SPSB2: variants seen among roughly 807,000 people sequenced by gnomAD.
The protein encoded by SPSB2 is SPRY domain-containing SOCS box protein 2.
Under a neutral mutation model 19.2 loss-of-function variants are expected in SPSB2, and 25 were observed. The observed-to-expected ratio is 1.30, with a 90% CI of 0.95 to 1.82. The LOEUF is 1.82. Among genes scored for constraint, SPSB2 ranks in the 40% most tolerant of loss-of-function variants. SPSB2 has a pLI of 0.00. For synonymous variants in SPSB2, 153 were observed against 154.9 expected, an observed-to-expected ratio of 0.99 and a Z score of 0.09; for missense variants, 413 against 344.9, an observed-to-expected ratio of 1.20 and a Z score of -1.56.
chr12:6,870,988 A>T lies in SPSB2; in HGVS notation c.*204T>A, dbSNP rs1944578272. The stretch of plus-strand genomic sequence containing the variant: ...TACTTGAAAAAATGTTTTGCGTAGC[A>T]GACTGTCATAGCCTTGAACGCCGGC... On this transcript the variant is annotated 3_prime_UTR_variant, in exon 3 of 3. Transcript: ENST00000524270. The T allele has an allele frequency of 1.4e-6, 1 of 691,366 alleles. No homozygotes were observed. 42.8% of individuals were successfully genotyped at this position (691,366 alleles called of 1,614,324 possible).
At position 6,872,568 on chromosome 12, in the gene SPSB2, G is replaced by C. The variant is rs782286451; in HGVS notation, c.334C>G (p.Leu112Val). Residue 112 changes from leucine to valine, a missense_variant, in exon 2 of 3, where the codon CTC becomes GTC. Leu to Val is a conservative substitution (Grantham distance 32). Coordinates refer to ENST00000524270, the MANE Select transcript of SPSB2 (RefSeq NM_032641.4). Reference sequence around the variant, plus strand: ...TAGTGGTCAGTCTGCAGCGGGGCGAGGGCCGTGGCCACGCCCACCACGGCA... The same window carrying C: ...TAGTGGTCAGTCTGCAGCGGGGCGACGGCCGTGGCCACGCCCACCACGGCA... ...THAVVGVATALAPLQTDHYAA... is the reference protein window; with the variant it reads ...THAVVGVATAVAPLQTDHYAA... 1 of 1,608,716 alleles carries C rather than the reference G, an allele frequency of 6.2e-7. No homozygotes were observed. The highest frequency in any genetic ancestry group is 8.5e-7 in the Non-Finnish European group (1 of 1,179,140).
In SPSB2 at chr12:6,871,068, G is replaced by T. The variant is rs1177993976; in HGVS notation, c.*124C>A. ...GGGGCTGTTGATTTCCGCAGAGCTTGGGTTGGGGTAGGGGCTCAGCCTCAC... is the reference window on the plus strand; with the variant it reads ...GGGGCTGTTGATTTCCGCAGAGCTTTGGTTGGGGTAGGGGCTCAGCCTCAC... On this transcript the variant is annotated 3_prime_UTR_variant, in exon 3 of 3. Transcript: ENST00000524270. 1 of 1,252,738 alleles carries T rather than the reference G, an allele frequency of 8.0e-7. No homozygotes were observed. Among genetic ancestry groups the T allele is most frequent in the Non-Finnish European group, 1.1e-6 (1 of 896,136 alleles). 77.6% of individuals were successfully genotyped at this position (1,252,738 alleles called of 1,614,324 possible).
At position 6,872,817 on chromosome 12, in the gene SPSB2, A is replaced by T. The variant is rs782566062; in HGVS notation, c.85T>A (p.Leu29Met). The T allele has an allele frequency of 1.1e-5, 18 of 1,611,810 alleles. No individual in the cohort carries two copies. The highest frequency in any genetic ancestry group is 1.4e-5 in the Non-Finnish European group (17 of 1,179,998). ...LYPDLSCPEG[L>M]EELLSAPPPD... ...GGGGGTGCAGACAGCAGCTCTTCCA[A>T]GCCCTCGGGACAGGAGAGGTCAGGG... The change falls in exon 2 of 3, where the codon TTG becomes ATG. Residue 29 changes from leucine (L) to methionine (M), a missense_variant. Physicochemically the swap from Leu to Met is conservative, Grantham distance 15. Transcript: ENST00000524270.
chr12:6,871,979 C>T, intron 2 of SPSB2: 1 of 1,449,442 alleles, frequency 6.9e-7, no homozygotes, highest in African/African-American at 1.4e-5. Context: ...CCTGCAGTTC[C>T]TCCCTCCATT....
Position 6,872,425 on chromosome 12 carries a change from C to G in SPSB2, c.477G>C (p.Glu159Asp), listed in dbSNP as rs782688207. The G allele has an allele frequency of 2.5e-6, 4 of 1,614,250 alleles. No individual in the cohort carries two copies. The Admixed American group carries it at 6.7e-5, about 27-fold the overall frequency. Reference protein sequence around the residue: ...APQYPAGTQGEQLEVPERLLV... With the variant: ...APQYPAGTQGDQLEVPERLLV... ...GCAGTCTCTCTGGCACCTCCAGCTGCTCACCCTGAGTTCCCGCTGGATACT... is the reference window on the plus strand; with the variant it reads ...GCAGTCTCTCTGGCACCTCCAGCTGGTCACCCTGAGTTCCCGCTGGATACT... Residue 159 changes from glutamate (E) to aspartate (D), a missense_variant, in exon 2 of 3, where the codon GAG (glutamate) becomes GAC (aspartate). Glu to Asp is a conservative substitution (Grantham distance 45, BLOSUM62 2). Coordinates refer to ENST00000524270, the MANE Select transcript of SPSB2 (RefSeq NM_032641.4).
In SPSB2 at chr12:6,872,348, G is replaced by A. The variant is rs782112252; in HGVS notation, c.554C>T (p.Thr185Ile). 21 of 1,614,214 alleles carry A rather than the reference G, an allele frequency of 1.3e-5. No individual in the cohort carries two copies. The highest frequency in any genetic ancestry group is 2.2e-5 in the South Asian group (2 of 91,088). ...EGTLGYAIGG[T>I]YLGPAFRGLK... ...TCCGCGGAATGCTGGCCCCAGGTAG[G>A]TGCCCCCAATAGCGTAGCCCAGAGT... The change falls in exon 2 of 3, where the codon ACC becomes ATC. Residue 185 changes from threonine (T) to isoleucine (I), a missense_variant. By Grantham distance (89) the Thr-to-Ile change is moderately conservative. Transcript: ENST00000524270.
At chr12:6,871,341 A>T (rs1256377618) in intron 2 of SPSB2, 22 bp from the exon 3 acceptor site, 2 of 1,606,352 alleles carry the variant, frequency 1.2e-6, no homozygotes, top group Non-Finnish European at 1.7e-6. Context: ...AAGGAGGGGA[A>T]TGTAAGTATG....
chr12:6,872,678 G>A lies in SPSB2; in HGVS notation c.224C>T (p.Thr75Ile). Residue 75 changes from threonine (T) to isoleucine (I), a missense_variant, in exon 2 of 3, where the codon ACT (threonine) becomes ATT (isoleucine). Coordinates refer to ENST00000524270, the MANE Select transcript of SPSB2 (RefSeq NM_032641.4). ...YFERRPVAQS[T>I]DGARGKRGYS... Reference sequence around the variant, plus strand: ...GCCCCTCTTACCCCGGGCCCCATCAGTGCTCTGGGCCACGGGCCGCCGCTC... The same window carrying A: ...GCCCCTCTTACCCCGGGCCCCATCAATGCTCTGGGCCACGGGCCGCCGCTC... 5.0e-6 allele frequency: 8 copies of A among 1,612,624 alleles called. No individual in the cohort carries two copies. The highest frequency in any genetic ancestry group is 6.8e-6 in the Non-Finnish European group (8 of 1,180,012).
At chr12:6,871,371 T>C in intron 2 of SPSB2, 52 bp from the exon 3 acceptor site, 1 of 1,581,206 alleles carries the variant, frequency 6.3e-7, no homozygotes, top group Non-Finnish European at 8.6e-7. Context: ...ACCAGCCAGA[T>C]GTCCTCAAAC....
At chr12:6,872,205 G>GAA (rs1555133662) in intron 2 of SPSB2, 33 bp downstream of exon 2, 1 of 1,613,924 alleles carries the variant, frequency 6.2e-7, no homozygotes, top group Admixed American at 1.7e-5. Context: ...ACCAGGGACA[G>GAA]AAAGTTCTCC....
chr12:6,871,947 A>T (rs937632072), intron 2 of SPSB2: 43 of 1,410,418 alleles, frequency 3.0e-5, no homozygotes, highest in Non-Finnish European at 3.9e-5. Context: ...TCAGGGGTTG[A>T]TATCTCCTGA....
At position 6,871,832 on chromosome 12, in the gene SPSB2, G is replaced by A. The variant is rs1591620735; in HGVS notation, c.664+406C>T. The A allele has an allele frequency of 1.6e-5, 9 of 554,392 alleles. No individual in the cohort carries two copies. The Admixed American group carries it at 2.1e-4, about 13-fold the overall frequency. 34.3% of individuals were successfully genotyped at this position (554,392 alleles called of 1,614,324 possible). ...AAGTAGGTATGTGGCACAGAGACAG[G>A]TTAGAGCCCAGGGAATCCGGTATAC... On this transcript the variant is annotated intron_variant, in intron 2 of 2. Transcript: ENST00000524270.
chr12:6,871,868 C>T, intron 2 of SPSB2: 1 of 773,188 alleles, frequency 1.3e-6, no homozygotes. Context: ...AGCCTGGGTA[C>T]CTGGCTCTGC....
Position 6,872,303 on chromosome 12 carries a change from T to TA in SPSB2, c.598dup (p.Tyr200LeufsTer92). 1.2e-6 allele frequency: 2 copies of TA among 1,614,178 alleles called. No homozygotes were observed. Among genetic ancestry groups the TA allele is most frequent in the East Asian group, 2.2e-5 (1 of 44,884 alleles). On this transcript the variant is annotated frameshift_variant, in exon 2 of 3. Coordinates refer to ENST00000524270, the MANE Select transcript of SPSB2 (RefSeq NM_032641.4). LOFTEE classifies it high-confidence loss of function. ...GCCCCAGACAGCGCTTACTGCCGGA[T>TA]AGAGGGTCCTGCCCTTCAGTCCGCG...
Position 6,872,810 on chromosome 12 carries a change from T to C in SPSB2, c.92A>G (p.Glu31Gly). The C allele has an allele frequency of 6.2e-7, 1 of 1,611,992 alleles. No individual in the cohort carries two copies. Among genetic ancestry groups the C allele is most frequent in the African/African-American group, 1.3e-5 (1 of 75,034 alleles). Residue 31 changes from glutamate to glycine, a missense_variant, in exon 2 of 3, where the codon GAG (glutamate) becomes GGG (glycine). Glu to Gly is a moderately conservative substitution (Grantham distance 98). Coordinates refer to ENST00000524270, the MANE Select transcript of SPSB2 (RefSeq NM_032641.4). Reference protein sequence around the residue: ...PDLSCPEGLEELLSAPPPDLG... With the variant: ...PDLSCPEGLEGLLSAPPPDLG... ...GTCAGGAGGGGGTGCAGACAGCAGC[T>C]CTTCCAAGCCCTCGGGACAGGAGAG...
chr12:6,872,513 G>A lies in SPSB2; in HGVS notation c.389C>T (p.Ser130Leu). 6.2e-7 allele frequency: 1 copy of A among 1,612,352 alleles called. No homozygotes were observed. The highest frequency in any genetic ancestry group is 1.7e-5 in the Admixed American group (1 of 60,024). The change falls in exon 2 of 3, where the codon TCG (serine) becomes TTG (leucine). Residue 130 changes from serine to leucine, a missense_variant. Physicochemically the swap from Ser to Leu is moderately radical, Grantham distance 145 (BLOSUM62 -2). Transcript: ENST00000524270. Reference sequence around the variant, plus strand: ...CCCCCGCCCGATGTCCCAGCCCCACGACTCGCTGTTGCTGCCCAGCAGCGC... The same window carrying A: ...CCCCCGCCCGATGTCCCAGCCCCACAACTCGCTGTTGCTGCCCAGCAGCGC... ...YAALLGSNSE[S>L]WGWDIGRGKL...
chr12:6,872,772 G>A lies in SPSB2; in HGVS notation c.130C>T (p.Arg44Trp), dbSNP rs868966108. 6.2e-7 allele frequency: 1 copy of A among 1,612,324 alleles called. No homozygotes were observed. Residue 44 changes from arginine to tryptophan, a missense_variant, in exon 2 of 3, where the codon CGG (arginine) becomes TGG (tryptophan). Transcript: ENST00000524270. ...TCTTTGGGGTTCCAACCGTGGCGCC[G>A]CTGGGCCCCCAGGTCAGGAGGGGGT... Reference protein sequence around the residue: ...SAPPPDLGAQRRHGWNPKDCS... With the variant: ...SAPPPDLGAQWRHGWNPKDCS...
At chr12:6,871,892 G>A in intron 2 of SPSB2, 1 of 1,030,464 alleles carries the variant, frequency 9.7e-7, no homozygotes, top group South Asian at 1.9e-5. Flanking sequence ...TCCTTCTTTT[G>A]GACCTGTACA....
chr12:6,873,222 G>A (rs1269480011), intron 1 of SPSB2, 24 bp downstream of exon 1: 1 of 262,812 alleles, frequency 3.8e-6, no homozygotes, highest in Non-Finnish European at 7.2e-6. Context: ...TACTCGCCCG[G>A]AGCCCTCGCC....
Sources: allele counts gnomAD v4.1 joint callset, GRCh38; gene constraint gnomAD v4.1.1; transcripts MANE v1.5; gene names NCBI Gene and HGNC (gene_info 2026-07-23, HGNC 2026-07-21).